Variants in BICD1 observed in about 807,000 individuals in gnomAD.
The protein encoded by BICD1 is BICD cargo adaptor 1.
In BICD1, 35 loss-of-function variants were observed where a neutral mutation model predicts 92.5. The ratio of observed to expected loss-of-function variants is 0.38; its 90% CI spans 0.29 to 0.50. BICD1 has a LOEUF of 0.50. BICD1 is among the 20% of genes least tolerant of loss of function. The pLI is 0.93. For synonymous variants in BICD1, 429 were observed against 465.1 expected (o/e 0.92, Z 1.00); for missense variants, 950 against 1,189.8 (o/e 0.80, Z 2.97).
At chr12:32,151,849 T>A (rs1304317099) in intron 1 of BICD1, among the ~76,000 whole-genome samples, 1 of 152,206 alleles carries the variant, frequency 6.6e-6, no homozygotes, top group Non-Finnish European at 1.5e-5. Context: ...AGTTTCCCTT[T>A]TTCTCCTTCC....
chr12:32,252,813 C>G (rs1376386182), intron 2 of BICD1, among the ~76,000 whole-genome samples: 3 of 152,114 alleles, frequency 2.0e-5, no homozygotes, highest in Admixed American at 6.6e-5. Context: ...TAGGATGCTA[C>G]ACAGTTGGTT....
chr12:32,271,111 GC>G (rs1410336368), intron 2 of BICD1, among the ~76,000 whole-genome samples: 1 of 152,188 alleles, frequency 6.6e-6, no homozygotes, highest in Admixed American at 6.5e-5. Context: ...CAGACTTGGA[GC>G]CCCTATGTGG....
intron 1 of BICD1, among the ~76,000 whole-genome samples, chr12:32,207,743 A>G (rs1565587780): frequency 6.6e-6 from 1 of 152,224 alleles, no homozygotes; most frequent in African/African-American, 2.4e-5. Flanking sequence ...AAAAGCTGCA[A>G]CCTTTGCTAA....
intron 1 of BICD1, among the ~76,000 whole-genome samples, chr12:32,112,001 CT>C (rs35592483): frequency 0.029 from 2,831 of 96,982 alleles, 22 homozygotes; most frequent in African/African-American, 0.077. Context: ...TGCACTATCC[CT>C]TTTTTTTTTT....
chr12:32,360,718 T>C (rs1462195766), intron 8 of BICD1, among the ~76,000 whole-genome samples: 1 of 152,160 alleles, frequency 6.6e-6, no homozygotes, highest in Non-Finnish European at 1.5e-5. Flanking sequence ...TTGAATGATA[T>C]GTGCAAAGGG....
chr12:32,158,932 G>T (rs972495357), intron 1 of BICD1, among the ~76,000 whole-genome samples: 17 of 152,066 alleles, frequency 1.1e-4, no homozygotes, highest in African/African-American at 4.1e-4. Flanking sequence ...TTATTTGTAC[G>T]CCATCAAACT....
At chr12:32,155,945 A>T (rs564266305) in intron 1 of BICD1, among the ~76,000 whole-genome samples, 1 of 152,328 alleles carries the variant, frequency 6.6e-6, no homozygotes. Flanking sequence ...AATTCTGCAG[A>T]CCAGCACATA....
intron 1 of BICD1, among the ~76,000 whole-genome samples, chr12:32,128,440 A>G (rs573958552): frequency 9.2e-4 from 139 of 151,822 alleles, no homozygotes; most frequent in African/African-American, 3.3e-3. Flanking sequence ...CTAATTCTCT[A>G]TATACATAAA....
At chr12:32,348,709 C>G (rs1938724475) in intron 8 of BICD1, among the ~76,000 whole-genome samples, 1 of 142,650 alleles carries the variant, frequency 7.0e-6, no homozygotes, top group African/African-American at 2.5e-5. Flanking sequence ...ATGATGCTTT[C>G]TAGCTCACAC....
chr12:32,132,408 T>A (rs1417386613), intron 1 of BICD1, among the ~76,000 whole-genome samples: 1 of 122,660 alleles, frequency 8.2e-6, no homozygotes, highest in Non-Finnish European at 1.8e-5. Context: ...AGAGCGAGAC[T>A]CTGTCTCAAA....
chr12:32,284,602 A>G (rs1322103283), intron 2 of BICD1, among the ~76,000 whole-genome samples: 2 of 152,154 alleles, frequency 1.3e-5, no homozygotes, highest in South Asian at 2.1e-4. Context: ...CTTTCTTGCT[A>G]AAGTCCACCC....
intron 8 of BICD1, among the ~76,000 whole-genome samples, chr12:32,341,978 T>C (rs1377141177): frequency 6.6e-6 from 1 of 151,662 alleles, no homozygotes; most frequent in African/African-American, 2.4e-5. Flanking sequence ...CCATGGGAAA[T>C]AGTAGATTTT....
At position 32,294,131 on chromosome 12, in the gene BICD1, G is replaced by T; in HGVS notation, c.564G>T (p.Thr188=). ...TCACATTGCAGAAACTAGTGTCCACGTTGAAGCAGAACCAGGTAAGGTTTA... is the reference window on the plus strand; with the variant it reads ...TCACATTGCAGAAACTAGTGTCCACTTTGAAGCAGAACCAGGTAAGGTTTA... ...ENITLQKLVS[T]LKQNQVEYEG... is the part of the protein sequence containing the mutation. Residue 188 remains threonine (T), a synonymous_variant, in exon 3 of 10, where the codon ACG becomes ACT. Transcript: ENST00000652176. 4.4e-6 allele frequency: 7 copies of T among 1,601,778 alleles called. No individual in the cohort carries two copies. The highest frequency in any genetic ancestry group is 5.9e-6 in the Non-Finnish European group (7 of 1,177,124).
intron 1 of BICD1, among the ~76,000 whole-genome samples, chr12:32,148,814 G>A (rs11051815): frequency 0.14 from 21,349 of 152,080 alleles, 1,692 homozygotes; most frequent in Non-Finnish European, 0.14. Context: ...GAGGTCAGGA[G>A]TTTCAGACCA....
intron 2 of BICD1, among the ~76,000 whole-genome samples, chr12:32,256,393 G>A (rs1946720848): frequency 6.6e-6 from 1 of 152,050 alleles, no homozygotes; most frequent in African/African-American, 2.4e-5. Context: ...GCCATCCTCT[G>A]ATATACATAT....
intron 8 of BICD1, among the ~76,000 whole-genome samples, chr12:32,354,593 G>A (rs899004989): frequency 6.6e-6 from 1 of 152,150 alleles, no homozygotes; most frequent in Admixed American, 6.5e-5. Context: ...CACCCGATAA[G>A]TCAGAAATTA....
In BICD1 at chr12:32,330,412, C is replaced by T. The variant is rs538497637; in HGVS notation, c.2100+1857C>T. ...ACACAGGAAGGGGAACATCACACAC[C>T]GGGGCCTGTTGTGGGGTGGGGGGAG... On this transcript the variant is annotated intron_variant, in intron 5 of 9. Transcript: ENST00000652176. Among the ~76,000 whole-genome samples the T allele has an allele frequency of 8.6e-3, 979 of 113,284 alleles. 10 individuals are homozygous for T. The highest frequency in any genetic ancestry group is 0.062 in the Middle Eastern group (8 of 130). The allele number at this position is 113,284 out of a possible 152,430, so 74.3% of individuals were successfully genotyped here. A position where few individuals can be genotyped will look rare whatever the true frequency, so the allele number is the denominator to read the frequency against.
intron 7 of BICD1, 49 bp from the exon 8 acceptor site, chr12:32,338,737 G>A (rs759847760): frequency 1.3e-6 from 2 of 1,487,644 alleles, no homozygotes; most frequent in East Asian, 2.5e-5. Context: ...GGTAATTAAA[G>A]TAAAACTTTT....
chr12:32,294,129 A>G lies in BICD1; in HGVS notation c.562A>G (p.Thr188Ala). The change falls in exon 3 of 10, where the codon ACG becomes GCG. Residue 188 changes from threonine to alanine, a missense_variant. Transcript: ENST00000652176. ...TATCACATTGCAGAAACTAGTGTCC[A>G]CGTTGAAGCAGAACCAGGTAAGGTT... is the stretch of plus-strand genomic sequence containing the variant. ...ENITLQKLVS[T>A]LKQNQVEYEG... 1 of 1,601,828 alleles carries G rather than the reference A, an allele frequency of 6.2e-7. No homozygotes were observed. Among genetic ancestry groups the G allele is most frequent in the Non-Finnish European group, 8.5e-7 (1 of 1,177,160 alleles).
Sources: gnomAD v4.1 joint callset for allele counts (sites outside exome capture counted in the v4.1 genomes callset) on GRCh38, gnomAD v4.1.1 for gene constraint, MANE v1.5 for transcripts, NCBI Gene and HGNC (gene_info 2026-07-23, HGNC 2026-07-21) for gene names.